Variants in DNMT3L observed in about 807,000 individuals in gnomAD.
The protein encoded by DNMT3L is DNA methyltransferase 3 like.
DNMT3L carries 33 observed loss-of-function variants against 36.2 expected under a neutral mutation model. The ratio of observed to expected loss-of-function variants is 0.91; its 90% CI spans 0.69 to 1.22. DNMT3L has a LOEUF of 1.22. Ranked by LOEUF, DNMT3L falls within the 50% of genes most tolerant of loss-of-function variation. The pLI, the probability that DNMT3L is intolerant of heterozygous loss-of-function variation, is 0.00. For synonymous variants in DNMT3L, 117 were observed against 121.7 expected, an observed-to-expected ratio of 0.96 and a Z score of 0.26; for missense variants, 310 against 303.1, an observed-to-expected ratio of 1.02 and a Z score of -0.17.
chr21:44,256,222 T>G, intron 6 of DNMT3L, 68 bp from the exon 7 acceptor site: 1 of 1,526,066 alleles, frequency 6.6e-7, no homozygotes, highest in South Asian at 1.1e-5. Flanking sequence ...TGAGTTACAA[T>G]GAAAATTCTT....
chr21:44,258,196 G>C lies in DNMT3L; in HGVS notation c.516+327C>G, dbSNP rs1310136242. Among the ~76,000 whole-genome samples, 5 of 152,028 alleles carry C rather than the reference G, an allele frequency of 3.3e-5. No individual in the cohort carries two copies. Among genetic ancestry groups the C allele is most frequent in the African/African-American group, 7.2e-5 (3 of 41,388 alleles). On this transcript the variant is annotated intron_variant, in intron 6 of 11. Transcript: ENST00000628202. The surrounding 1 kb of genome is among the most constrained non-coding windows in gnomAD (Gnocchi z 6.2). ...GGCTCCTCGGCTGGACTCCCAAAAC[G>C]GCCCACACCTGGCCAGCAGAAGCCC...
chr21:44,256,117 C>T lies in DNMT3L; in HGVS notation c.554G>A (p.Trp185Ter). ...PLEMFETVPVWRRQPVRVLSL... is the reference protein window; with the variant it reads ...PLEMFETVPV ...CAGCACCCGGACTGGCTGTCTCCTC[C>T]ACACAGGCACGGTTTCGAACATCTC... is the stretch of plus-strand genomic sequence containing the variant. Residue 185 changes from tryptophan to a stop codon, truncating the protein, a stop_gained, in exon 7 of 12, where the codon TGG (tryptophan) becomes TAG (stop). Transcript: ENST00000628202. LOFTEE classifies it high-confidence loss of function. 1 of 1,613,964 alleles carries T rather than the reference C, an allele frequency of 6.2e-7. No homozygotes were observed.
At chr21:44,259,192 C>T (rs1041332910) in intron 5 of DNMT3L, among the ~76,000 whole-genome samples, 7 of 152,092 alleles carry the variant, frequency 4.6e-5, no homozygotes, top group Admixed American at 6.6e-5. Flanking sequence ...GGGTTTCCAT[C>T]GCTCCCCTGC....
rs28754560 is a variant in DNMT3L, at chr21:44,258,024, G to A, written c.516+499C>T. Among the ~76,000 whole-genome samples the A allele has an allele frequency of 0.022, 3,419 of 152,298 alleles. 142 individuals carry two copies. Among genetic ancestry groups the A allele is most frequent in the African/African-American group, 0.078 (3,259 of 41,546 alleles). The stretch of plus-strand genomic sequence containing the variant: ...CCTAAATCTGGAATGATCTCATCTC[G>A]TGATCCTTAACTAAATTACATCTGC... On this transcript the variant is annotated intron_variant, in intron 6 of 11. Coordinates refer to ENST00000628202, the MANE Select transcript of DNMT3L (RefSeq NM_175867.3). This position sits in a 1 kb window ranked among gnomAD's most constrained non-coding sequence, Gnocchi z 6.2.
intron 6 of DNMT3L, among the ~76,000 whole-genome samples, chr21:44,256,467 A>G (rs2040260269): frequency 7.7e-6 from 1 of 129,406 alleles, no homozygotes. Flanking sequence ...TCTGTCACCC[A>G]GGCTGGAGTG....
Position 44,258,298 on chromosome 21 carries a change from G to A in DNMT3L, c.516+225C>T, listed in dbSNP as rs1194701318. Among the ~76,000 whole-genome samples, 1 of 152,168 alleles carries A rather than the reference G, an allele frequency of 6.6e-6. No individual in the cohort carries two copies. The highest frequency in any genetic ancestry group is 1.5e-5 in the Non-Finnish European group (1 of 68,036). ...CGGCCCCTCTCCCATCTGCTACCAG[G>A]GCCTCGTTCCTAGGCTTGGAAGCAA... On this transcript the variant is annotated intron_variant, in intron 6 of 11. Transcript: ENST00000628202. The surrounding 1 kb of genome is among the most constrained non-coding windows in gnomAD (Gnocchi z 6.2).
At chr21:44,260,116 A>G (rs1350398174) in intron 3 of DNMT3L, among the ~76,000 whole-genome samples, 1 of 151,538 alleles carries the variant, frequency 6.6e-6, no homozygotes, top group Non-Finnish European at 1.5e-5. Context: ...CCCCAAATGG[A>G]GCTGCAGAGC....
intron 7 of DNMT3L, among the ~76,000 whole-genome samples, chr21:44,255,565 T>C: frequency 6.6e-6 from 1 of 151,458 alleles, no homozygotes; most frequent in East Asian, 1.9e-4. Context: ...GGATGCGATG[T>C]CACCTCTGGC....
At position 44,259,695 on chromosome 21, in the gene DNMT3L, G is replaced by A. The variant is rs377354849; in HGVS notation, c.168C>T (p.Cys56=). Residue 56 remains cysteine (C), a synonymous_variant, in exon 4 of 12, where the codon TGC becomes TGT. Transcript: ENST00000628202. ...QRNIEDICIC[C]GSLQVHTQHP... ...GCTGTGTGTGAACCTGGAGACTTCC[G>A]CAGCAGATGCAGATGTCTAAAGGAA... The A allele has an allele frequency of 2.2e-5, 36 of 1,611,520 alleles. No individual in the cohort carries two copies. The highest frequency in any genetic ancestry group is 1.2e-4 in the Admixed American group (7 of 59,686).
intron 3 of DNMT3L, among the ~76,000 whole-genome samples, chr21:44,260,483 C>T (rs2040307519): frequency 6.6e-6 from 1 of 152,178 alleles, no homozygotes; most frequent in Non-Finnish European, 1.5e-5. Flanking sequence ...CTTCCAGGAT[C>T]TCACCGTCAC....
intron 1 of DNMT3L, 65 bp from the exon 2 acceptor site, chr21:44,261,331 A>G: frequency 6.8e-7 from 1 of 1,477,624 alleles, no homozygotes; most frequent in Non-Finnish European, 9.3e-7. Flanking sequence ...TCCCTGATGC[A>G]CCCCAGCACG....
At chr21:44,261,008 G>A (rs368380199) in intron 2 of DNMT3L, 146 bp downstream of exon 2, 18 of 1,349,184 alleles carry the variant, frequency 1.3e-5, no homozygotes, top group South Asian at 3.9e-5. Context: ...CCATACCTGG[G>A]GGAAGACTGT....
At chr21:44,253,543 C>T (rs928792287) in intron 8 of DNMT3L, among the ~76,000 whole-genome samples, 29 of 152,086 alleles carry the variant, frequency 1.9e-4, no homozygotes, top group Non-Finnish European at 1.5e-5. Context: ...ATGGTGAAAC[C>T]CCGTCTCTAC....
At chr21:44,259,119 G>C (rs938582685) in intron 5 of DNMT3L, among the ~76,000 whole-genome samples, 1 of 152,072 alleles carries the variant, frequency 6.6e-6, no homozygotes, top group Non-Finnish European at 1.5e-5. Context: ...AGGCGAGGGA[G>C]TAACGACTGA....
At position 44,255,382 on chromosome 21, in the gene DNMT3L, G is replaced by A. The variant is rs142679400; in HGVS notation, c.605-677C>T. On this transcript the variant is annotated intron_variant, in intron 7 of 11. Coordinates refer to ENST00000628202, the MANE Select transcript of DNMT3L (RefSeq NM_175867.3). ...CTAAAAACACAAAAATTAGCTGGGC[G>A]TGGTGGTGAGCACCTGTAATCCCAG... Among the ~76,000 whole-genome samples, 48 of 152,066 alleles carry A rather than the reference G, an allele frequency of 3.2e-4. 1 individual carries two copies. In the South Asian group the frequency reaches 5.6e-3, roughly 18 times the overall value.
At chr21:44,253,331 T>C (rs1245750354) in intron 8 of DNMT3L, among the ~76,000 whole-genome samples, 1 of 128,392 alleles carries the variant, frequency 7.8e-6, no homozygotes, top group East Asian at 2.2e-4. Context: ...CCTGAACACA[T>C]GCCCTTCAGT....
At chr21:44,256,291 G>T in intron 6 of DNMT3L, 137 bp from the exon 7 acceptor site, 1 of 860,478 alleles carries the variant, frequency 1.2e-6, no homozygotes, top group South Asian at 1.6e-5. Flanking sequence ...CACCTGCTGA[G>T]GCTGACTGGG....
At position 44,260,692 on chromosome 21, in the gene DNMT3L, A is replaced by G. The variant is rs919253359; in HGVS notation, c.151+103T>C. 2.7e-6 allele frequency: 4 copies of G among 1,491,406 alleles called. No individual in the cohort carries two copies. In the African/African-American group the frequency reaches 5.5e-5, roughly 21 times the overall value. The allele number at this position is 1,491,406 out of a possible 1,614,324, so 92.4% of individuals were successfully genotyped here. A position where few individuals can be genotyped will look rare whatever the true frequency, so the allele number is the denominator to read the frequency against. ...AGGCTGGTCTCAAACTCCTGGGCTCAAATGATCCTCCCACATTGGTCTCCC... is the reference window on the plus strand; with the variant it reads ...AGGCTGGTCTCAAACTCCTGGGCTCGAATGATCCTCCCACATTGGTCTCCC... On this transcript the variant is annotated intron_variant, in intron 3 of 11. Transcript: ENST00000628202.
In DNMT3L at chr21:44,259,524, A is replaced by G; in HGVS notation, c.257T>C (p.Leu86Pro). 1 of 1,613,750 alleles carries G rather than the reference A, an allele frequency of 6.2e-7. No individual in the cohort carries two copies. Among genetic ancestry groups the G allele is most frequent in the Non-Finnish European group, 8.5e-7 (1 of 1,180,012 alleles). The change falls in exon 5 of 12, where the codon CTG (leucine) becomes CCG (proline). Residue 86 changes from leucine to proline, a missense_variant. Physicochemically the swap from Leu to Pro is moderately conservative, Grantham distance 98. Transcript: ENST00000628202. ...CKDKFLDALF[L>P]YDDDGYQSYC... ...GGATTGGTACCCGTCATCGTCGTAC[A>G]GGAAGAGGGCATCCAGGAACTTGTC...
Sources: gnomAD v4.1 joint callset for allele counts (sites outside exome capture counted in the v4.1 genomes callset) on GRCh38, gnomAD v4.1.1 for gene constraint, Gnocchi (gnomAD v3.1) non-coding constraint, MANE v1.5 for transcripts, NCBI Gene and HGNC (gene_info 2026-07-23, HGNC 2026-07-21) for gene names.